Variants in SLC9A9 observed in about 807,000 individuals in gnomAD.
SLC9A9 encodes solute carrier family 9 member A9, also known as sodium/hydrogen exchanger 9.
Under a neutral mutation model 77.8 loss-of-function variants are expected in SLC9A9, and 62 were observed. That is an observed-to-expected ratio of 0.80 (90% confidence interval 0.65 to 0.98). The LOEUF (loss-of-function observed/expected upper bound fraction) is 0.98. Among genes scored for constraint, SLC9A9 ranks in the 50% least tolerant of loss-of-function variants. The probability of loss-of-function intolerance (pLI) is 0.00; values close to 1 mark genes in which losing one functional copy is unlikely to be tolerated. For synonymous variants in SLC9A9, 320 were observed against 283.5 expected, an observed-to-expected ratio of 1.13 and a Z score of -1.29; for missense variants, 775 against 774.9, an observed-to-expected ratio of 1.00 and a Z score of 0.00.
In SLC9A9 at chr3:143,509,997, T is replaced by C. The variant is rs373406621; in HGVS notation, c.1090-14549A>G. On this transcript the variant is annotated intron_variant, in intron 9 of 15. Coordinates refer to ENST00000316549, the MANE Select transcript of SLC9A9 (RefSeq NM_173653.4). ...TGAATTTTATGCTTAACAAGAGCCATGCTTGTTCCAAAATTTGTTTTTGTC... is the reference window on the plus strand; with the variant it reads ...TGAATTTTATGCTTAACAAGAGCCACGCTTGTTCCAAAATTTGTTTTTGTC... Among the ~76,000 whole-genome samples, 18 of 152,332 alleles carry C rather than the reference T, an allele frequency of 1.2e-4. No homozygotes were observed. In the East Asian group the frequency reaches 3.3e-3, roughly 28 times the overall value.
chr3:143,766,488 C>T (rs2007321880), intron 4 of SLC9A9, among the ~76,000 whole-genome samples: 1 of 152,144 alleles, frequency 6.6e-6, no homozygotes, highest in African/African-American at 2.4e-5. Flanking sequence ...GGGGTGATTG[C>T]TTTAAACATT....
intron 8 of SLC9A9, among the ~76,000 whole-genome samples, chr3:143,553,543 T>C (rs1023750190): frequency 3.3e-5 from 5 of 152,176 alleles, no homozygotes; most frequent in African/African-American, 1.2e-4. Context: ...ATACTGACAT[T>C]TCAAGTGAAT....
intron 9 of SLC9A9, among the ~76,000 whole-genome samples, chr3:143,548,309 G>A (rs779463187): frequency 2.7e-4 from 41 of 152,114 alleles, no homozygotes; most frequent in Non-Finnish European, 5.4e-4. Flanking sequence ...GGTGGGGGTG[G>A]TGAGGGAATG....
chr3:143,342,707 A>G (rs2032142847), intron 14 of SLC9A9, among the ~76,000 whole-genome samples: 1 of 152,196 alleles, frequency 6.6e-6, no homozygotes, highest in African/African-American at 2.4e-5. Flanking sequence ...GCACCATAAA[A>G]TATCACCTTA....
chr3:143,825,042 T>C (rs948628446), intron 2 of SLC9A9, among the ~76,000 whole-genome samples: 1 of 152,194 alleles, frequency 6.6e-6, no homozygotes, highest in Non-Finnish European at 1.5e-5. Flanking sequence ...GGAGCCCTAT[T>C]CTCTGTTGAA....
At chr3:143,662,512 C>T (rs2038994511) in intron 5 of SLC9A9, among the ~76,000 whole-genome samples, 2 of 152,164 alleles carry the variant, frequency 1.3e-5, no homozygotes, top group South Asian at 2.1e-4. Flanking sequence ...TCACCTCACC[C>T]GAGAAGTGCA....
chr3:143,806,737 T>TGGG (rs59001728), intron 2 of SLC9A9, among the ~76,000 whole-genome samples: 72 of 148,828 alleles, frequency 4.8e-4, no homozygotes, highest in South Asian at 1.5e-3. Flanking sequence ...TATGTGGTGG[T>TGGG]GGGGGGGGCA....
intron 2 of SLC9A9, among the ~76,000 whole-genome samples, chr3:143,817,591 G>A (rs58621433): frequency 0.031 from 4,698 of 151,996 alleles, 225 homozygotes; most frequent in African/African-American, 0.1. Flanking sequence ...TCTTACTTAA[G>A]TCTCTAATCC....
At chr3:143,311,038 G>A (rs922468495) in intron 14 of SLC9A9, among the ~76,000 whole-genome samples, 1 of 152,200 alleles carries the variant, frequency 6.6e-6, no homozygotes, top group Admixed American at 6.5e-5. Flanking sequence ...TAAACAACTT[G>A]ATTTCCAGGG....
chr3:143,462,526 G>A (rs1415474903), intron 12 of SLC9A9, among the ~76,000 whole-genome samples: 1 of 152,192 alleles, frequency 6.6e-6, no homozygotes, highest in South Asian at 2.1e-4. Flanking sequence ...TGGGAGATGA[G>A]CATGAGGGTA....
chr3:143,788,779 C>G (rs2008133443), intron 4 of SLC9A9, among the ~76,000 whole-genome samples: 1 of 145,744 alleles, frequency 6.9e-6, no homozygotes, highest in African/African-American at 2.6e-5. Flanking sequence ...AAGAGGCAAA[C>G]TAAGAAAAAA....
chr3:143,835,564 T>C (rs963460393), intron 1 of SLC9A9, among the ~76,000 whole-genome samples: 2 of 152,256 alleles, frequency 1.3e-5, no homozygotes, highest in Non-Finnish European at 2.9e-5. Context: ...GTTGAATTAA[T>C]GTACACTGAC....
intron 2 of SLC9A9, among the ~76,000 whole-genome samples, chr3:143,818,730 A>C (rs1409354434): frequency 2.6e-5 from 4 of 152,110 alleles, no homozygotes; most frequent in African/African-American, 4.8e-5. Flanking sequence ...AATTACTGGA[A>C]GTCGGCAGCA....
intron 4 of SLC9A9, among the ~76,000 whole-genome samples, chr3:143,758,018 T>TAA (rs1188153452): frequency 3.7e-4 from 57 of 152,268 alleles, no homozygotes; most frequent in African/African-American, 1.3e-3. Flanking sequence ...TTGTTCTCTT[T>TAA]CATCCTCTTC....
chr3:143,297,950 G>A (rs1164195442), intron 14 of SLC9A9, among the ~76,000 whole-genome samples: 2 of 152,164 alleles, frequency 1.3e-5, no homozygotes, highest in Non-Finnish European at 2.9e-5. Flanking sequence ...TAACCGTTGG[G>A]TTGGATGCAG....
intron 14 of SLC9A9, among the ~76,000 whole-genome samples, chr3:143,326,498 T>C (rs551393659): frequency 1.2e-4 from 19 of 152,238 alleles, no homozygotes; most frequent in African/African-American, 4.6e-4. Context: ...TCTTTCTGTT[T>C]CTTCAATGCA....
intron 4 of SLC9A9, among the ~76,000 whole-genome samples, chr3:143,777,897 T>C (rs1490266232): frequency 6.6e-6 from 1 of 151,870 alleles, no homozygotes; most frequent in Non-Finnish European, 1.5e-5. Context: ...GTATTTTTAG[T>C]AGAGACGGGG....
chr3:143,288,633 C>T (rs1938448262), intron 14 of SLC9A9, among the ~76,000 whole-genome samples: 1 of 152,130 alleles, frequency 6.6e-6, no homozygotes, highest in South Asian at 2.1e-4. Context: ...AGAGCAGATG[C>T]CTCCTCCTAC....
At chr3:143,639,482 G>T (rs1162369213) in intron 6 of SLC9A9, among the ~76,000 whole-genome samples, 1 of 152,148 alleles carries the variant, frequency 6.6e-6, no homozygotes, top group Non-Finnish European at 1.5e-5. Context: ...AAATGACACT[G>T]ATGCATCATG....
Sources: gnomAD v4.1 joint callset for allele counts (sites outside exome capture counted in the v4.1 genomes callset) on GRCh38, gnomAD v4.1.1 for gene constraint, MANE v1.5 for transcripts, NCBI Gene and HGNC (gene_info 2026-07-23, HGNC 2026-07-21) for gene names.